MAX: variants seen among roughly 807,000 people sequenced by gnomAD.
MAX encodes MYC associated transcriptional regulator X.
A neutral mutation model predicts 22.3 loss-of-function variants in MAX; 3 were observed. The observed-to-expected ratio is 0.13, with a 90% CI of 0.06 to 0.35. MAX has a LOEUF of 0.35. Ranked by LOEUF, MAX falls within the 10% of genes least tolerant of loss-of-function variation. The pLI is 1.00. For missense variants in MAX, 119 were observed against 209.4 expected (o/e 0.57, Z 2.66); for synonymous variants, 72 against 77.7 (o/e 0.93, Z 0.39).
In MAX at chr14:65,077,509, T is replaced by C; in HGVS notation, c.295+404A>G. 1 of 1,017,490 alleles carries C rather than the reference T, an allele frequency of 9.8e-7. No individual in the cohort carries two copies. Among genetic ancestry groups the C allele is most frequent in the Non-Finnish European group, 1.6e-6 (1 of 635,164 alleles). The allele number at this position is 1,017,490 out of a possible 1,614,324, so 63.0% of individuals were successfully genotyped here. A position where few individuals can be genotyped will look rare whatever the true frequency, so the allele number is the denominator to read the frequency against. On this transcript the variant is annotated intron_variant, in intron 4 of 4. Transcript: ENST00000358664. The surrounding 1 kb of genome is among the most constrained non-coding windows in gnomAD (Gnocchi z 6.3). ...ATAGGCTGCCCTGATTGGACTACCA[T>C]TGACAATGGGGAGGGCTCACTGTCC...
Position 65,102,479 on chromosome 14 carries a change from A to G in MAX, c.-140T>C, listed in dbSNP as rs2063881582. The G allele has an allele frequency of 6.9e-7, 1 of 1,439,196 alleles. No individual in the cohort carries two copies. The highest frequency in any genetic ancestry group is 2.6e-5 in the East Asian group (1 of 38,148). The allele number at this position is 1,439,196 out of a possible 1,614,324, so 89.2% of individuals were successfully genotyped here. ...CACTCACTCACTCGCTCTCTCACTC[A>G]CACACACACACAACACGGGCAAGAA... On this transcript the variant is annotated 5_prime_UTR_variant, in exon 1 of 5. Transcript: ENST00000358664.
At chr14:65,015,597 G>A in intron 3 of MAX, 1 of 1,612,084 alleles carries the variant, frequency 6.2e-7, no homozygotes, top group Non-Finnish European at 8.5e-7. Context: ...GTGAATAAGG[G>A]ATGTTTTCTC....
At chr14:65,015,681 G>A in intron 3 of MAX, 1 of 1,614,132 alleles carries the variant, frequency 6.2e-7, no homozygotes, top group Non-Finnish European at 8.5e-7. Flanking sequence ...GCTTGGAACT[G>A]CTAGATGAAC....
intron 3 of MAX, among the ~76,000 whole-genome samples, chr14:65,015,141 C>T (rs555145149): frequency 1.1e-3 from 161 of 149,226 alleles, no homozygotes; most frequent in African/African-American, 3.5e-3. Context: ...CTTGCTCTGT[C>T]GCCTAGGCTG....
intron 3 of MAX, among the ~76,000 whole-genome samples, chr14:65,048,488 A>ACTT (rs560478146): frequency 1.7e-4 from 26 of 152,242 alleles, no homozygotes; most frequent in Non-Finnish European, 1.6e-4. Flanking sequence ...AGTGACCATC[A>ACTT]GTGGCTCCAT....
rs746813710 is a variant in MAX at position 65,044,286 on chromosome 14, G to A, written c.172-38002C>T. ...ATTTTGTCTCTTTTAGCCTACAACT[G>A]CCTTTCCCATCTGTGTCTCCTCAGC... On this transcript the variant is annotated intron_variant, in intron 3 of 3. Transcript: ENST00000341653. The surrounding 1 kb of genome is among the most constrained non-coding windows in gnomAD (Gnocchi z 5.5). The A allele has an allele frequency of 1.3e-5, 21 of 1,611,644 alleles. No homozygotes were observed. In the South Asian group the frequency reaches 2.3e-4, roughly 18 times the overall value.
At chr14:65,006,627 C>T (rs749629867) in intron 3 of MAX, among the ~76,000 whole-genome samples, 9 of 152,198 alleles carry the variant, frequency 5.9e-5, no homozygotes, top group Non-Finnish European at 8.8e-5. Flanking sequence ...CGATGACTCA[C>T]CCGATCGGGC....
intron 3 of MAX, among the ~76,000 whole-genome samples, chr14:65,051,337 C>T (rs1483052784): frequency 6.6e-6 from 1 of 152,142 alleles, no homozygotes; most frequent in South Asian, 2.1e-4. Context: ...AGGCTGGGTG[C>T]GGTGGCCCAT....
At chr14:65,024,733 G>A (rs1334220877) in intron 3 of MAX, among the ~76,000 whole-genome samples, 1 of 151,958 alleles carries the variant, frequency 6.6e-6, no homozygotes, top group Non-Finnish European at 1.5e-5. Context: ...TTATTTATTG[G>A]TGAACTTCTT....
At chr14:65,037,323 C>T (rs1222616664) in intron 3 of MAX, among the ~76,000 whole-genome samples, 4 of 139,258 alleles carry the variant, frequency 2.9e-5, no homozygotes, top group East Asian at 2.3e-4. Context: ...AGGCTGGTCT[C>T]GAACTCCTGA....
chr14:65,102,284 G>A lies in MAX; in HGVS notation c.36+20C>T, dbSNP rs1308181941. 3 of 1,613,618 alleles carry A rather than the reference G, an allele frequency of 1.9e-6. No homozygotes were observed. The highest frequency in any genetic ancestry group is 2.5e-6 in the Non-Finnish European group (3 of 1,179,704). ...CCCGCCTGACAACCCGCACGGGAAG[G>A]AAGAAGCCCCAGGACTCACGTCGCT... On this transcript the variant is annotated intron_variant, in intron 1 of 4. Transcript: ENST00000358664.
At position 65,076,225 on chromosome 14, in the gene MAX, G is replaced by A; in HGVS notation, c.*251C>T. On this transcript the variant is annotated 3_prime_UTR_variant, in exon 5 of 5. Coordinates refer to ENST00000358664, the MANE Select transcript of MAX (RefSeq NM_002382.5). This position sits in a 1 kb window ranked among gnomAD's most constrained non-coding sequence, Gnocchi z 6.6. Reference sequence around the variant, plus strand: ...AAAGCTGCCAAGTTGGGGTGTTTTGGTTTAAAAATTCCTGTTGGGGACAGG... The same window carrying A: ...AAAGCTGCCAAGTTGGGGTGTTTTGATTTAAAAATTCCTGTTGGGGACAGG... The A allele has an allele frequency of 1.4e-6, 2 of 1,423,890 alleles. No homozygotes were observed. Among genetic ancestry groups the A allele is most frequent in the South Asian group, 1.6e-5 (1 of 63,696 alleles). 88.2% of individuals were successfully genotyped at this position (1,423,890 alleles called of 1,614,324 possible).
At chr14:65,101,727 C>A in intron 1 of MAX, 155 bp from the exon 2 acceptor site, 1 of 659,416 alleles carries the variant, frequency 1.5e-6, no homozygotes, top group Admixed American at 2.7e-5. Flanking sequence ...TGCCCCCACC[C>A]TTCCACCCTC....
In MAX at chr14:65,062,751, A is replaced by C. The variant is rs1414924886; in HGVS notation, c.171+30957T>G. Reference sequence around the variant, plus strand: ...GTCAGTCTCCTGTGTGCAGGATTCCAGACTGTTCACATCGGTGGTGACAGA... The same window carrying C: ...GTCAGTCTCCTGTGTGCAGGATTCCCGACTGTTCACATCGGTGGTGACAGA... On this transcript the variant is annotated intron_variant, in intron 3 of 3. Transcript: ENST00000341653. This position sits in a 1 kb window ranked among gnomAD's most constrained non-coding sequence, Gnocchi z 4.3. The C allele has an allele frequency of 6.6e-6, 1 of 152,658 alleles. No homozygotes were observed. Among genetic ancestry groups the C allele is most frequent in the East Asian group, 1.9e-4 (1 of 5,198 alleles). The allele number at this position is 152,658 out of a possible 1,614,324, so 9.5% of individuals were successfully genotyped here. A position where few individuals can be genotyped will look rare whatever the true frequency, so the allele number is the denominator to read the frequency against.
In MAX at chr14:65,029,562, T is replaced by C. The variant is rs912318058; in HGVS notation, c.172-23278A>G. On this transcript the variant is annotated intron_variant, in intron 3 of 3. Coordinates refer to the MAX transcript ENST00000341653. This position sits in a 1 kb window ranked among gnomAD's most constrained non-coding sequence, Gnocchi z 4.7. ...ATAGCAAGCACTATTTTTTCTCAGT[T>C]CTTAAGAAAGGAGACCTCCTTTCTA... 6.6e-6 allele frequency among the ~76,000 whole-genome samples: 1 copy of C among 152,230 alleles called. No homozygotes were observed. Among genetic ancestry groups the C allele is most frequent in the African/African-American group, 2.4e-5 (1 of 41,464 alleles).
chr14:65,018,946 A>T (rs533847099), intron 3 of MAX, among the ~76,000 whole-genome samples: 25 of 152,218 alleles, frequency 1.6e-4, no homozygotes, highest in Non-Finnish European at 2.8e-4. Flanking sequence ...CCCCGTCTCT[A>T]CTAAAAATAC....
intron 2 of MAX, among the ~76,000 whole-genome samples, chr14:65,095,269 ATCTC>A (rs1222162606): frequency 6.6e-6 from 1 of 152,190 alleles, no homozygotes; most frequent in African/African-American, 2.4e-5. Flanking sequence ...TCCATAGCAT[ATCTC>A]TCTTTTTGGG....
chr14:65,048,686 C>T (rs926314263), intron 3 of MAX, among the ~76,000 whole-genome samples: 2 of 152,126 alleles, frequency 1.3e-5, no homozygotes, highest in Admixed American at 6.5e-5. Flanking sequence ...GAGCTTGTCT[C>T]TACAAAAAAT....
intron 3 of MAX, among the ~76,000 whole-genome samples, chr14:65,067,184 T>TTA (rs750867480): frequency 7.5e-6 from 1 of 133,528 alleles, no homozygotes; most frequent in South Asian, 2.4e-4. Flanking sequence ...GACCCTGTCT[T>TTA]AAAAAAAAAA....
Sources: gnomAD v4.1 joint callset for allele counts (sites outside exome capture counted in the v4.1 genomes callset) on GRCh38, gnomAD v4.1.1 for gene constraint, Gnocchi (gnomAD v3.1) non-coding constraint, MANE v1.5 for transcripts, NCBI Gene and HGNC (gene_info 2026-07-23, HGNC 2026-07-21) for gene names.